STRN: variants seen among roughly 807,000 people sequenced by gnomAD.
STRN encodes the protein striatin, also known as protein phosphatase 2 regulatory subunit B'''alpha.
Under a neutral mutation model 96.3 loss-of-function variants are expected in STRN, and 53 were observed. The ratio of observed to expected loss-of-function variants is 0.55; its 90% CI spans 0.44 to 0.69. The LOEUF (loss-of-function observed/expected upper bound fraction) is 0.69, where lower values mean the gene tolerates loss of function less well. Ranked by LOEUF, STRN falls within the 30% of genes least tolerant of loss-of-function variation. The pLI is 0.00. For missense variants in STRN, 987 were observed against 963.9 expected (o/e 1.02, Z -0.32); for synonymous variants, 428 against 355.9 (o/e 1.20, Z -2.28).
At chr2:36,930,418 C>A (rs1356828336) in intron 1 of STRN, among the ~76,000 whole-genome samples, 1 of 148,920 alleles carries the variant, frequency 6.7e-6, no homozygotes, top group African/African-American at 2.5e-5. Flanking sequence ...GGCAACAGAG[C>A]GAGACTCCAT....
intron 1 of STRN, among the ~76,000 whole-genome samples, chr2:36,952,620 T>C (rs1037429519): frequency 1.6e-4 from 24 of 152,306 alleles, no homozygotes; most frequent in Middle Eastern, 3.4e-3. Flanking sequence ...TTAAAATAGA[T>C]TGTAGATATA....
intron 1 of STRN, among the ~76,000 whole-genome samples, chr2:36,945,201 T>A (rs972856650): frequency 6.6e-6 from 1 of 152,138 alleles, no homozygotes; most frequent in Non-Finnish European, 1.5e-5. Context: ...TTTATAAAGA[T>A]ACTTTTTTAA....
chr2:36,841,536 G>A lies in STRN; in HGVS notation c.*7920C>T, dbSNP rs766868285. The A allele has an allele frequency of 3.3e-5, 5 of 152,108 alleles. No homozygotes were observed. The highest frequency in any genetic ancestry group is 4.8e-5 in the African/African-American group (2 of 41,420). The allele number at this position is 152,108 out of a possible 1,614,324, so 9.4% of individuals were successfully genotyped here. A position where few individuals can be genotyped will look rare whatever the true frequency, so the allele number is the denominator to read the frequency against. ...ACGTGGGCTATCGAAAAAGATGTAA[G>A]TACATTTTAAAAATGTTTTTAAAAG... On this transcript the variant is annotated 3_prime_UTR_variant, in exon 18 of 18. Transcript: ENST00000263918.
chr2:36,957,468 G>T (rs1664917102), intron 1 of STRN, among the ~76,000 whole-genome samples: 1 of 151,968 alleles, frequency 6.6e-6, no homozygotes, highest in Non-Finnish European at 1.5e-5. Flanking sequence ...CACACCTATA[G>T]TCCCAGCCAC....
At chr2:36,877,449 T>G (rs1668943767) in intron 10 of STRN, among the ~76,000 whole-genome samples, 1 of 152,270 alleles carries the variant, frequency 6.6e-6, no homozygotes, top group Admixed American at 6.5e-5. Flanking sequence ...TACGTATCTT[T>G]CAAAGTTTGC....
At chr2:36,957,753 T>TTTG (rs1664929053) in intron 1 of STRN, among the ~76,000 whole-genome samples, 1 of 95,876 alleles carries the variant, frequency 1.0e-5, no homozygotes, top group Non-Finnish European at 2.2e-5. Context: ...TCTTTTTTTT[T>TTTG]TTTTTTTTTT....
chr2:36,927,620 G>C (rs992651938), intron 1 of STRN, among the ~76,000 whole-genome samples: 1 of 151,842 alleles, frequency 6.6e-6, no homozygotes, highest in African/African-American at 2.4e-5. Flanking sequence ...CTTGAGGCTG[G>C]AGTTTGAGAC....
intron 1 of STRN, among the ~76,000 whole-genome samples, chr2:36,944,234 C>T (rs1157915863): frequency 1.3e-5 from 2 of 152,032 alleles, no homozygotes; most frequent in Non-Finnish European, 2.9e-5. Flanking sequence ...TCTTAATATA[C>T]AAAAGCAATG....
intron 1 of STRN, among the ~76,000 whole-genome samples, chr2:36,954,666 T>C (rs1664841440): frequency 6.6e-6 from 1 of 151,880 alleles, no homozygotes; most frequent in Admixed American, 6.6e-5. Flanking sequence ...AGTTTCACTC[T>C]TGTTGCCCAA....
chr2:36,924,082 C>A (rs1051763009), intron 2 of STRN, among the ~76,000 whole-genome samples: 10 of 152,106 alleles, frequency 6.6e-5, no homozygotes, highest in African/African-American at 2.4e-4. Flanking sequence ...ATAGGCTGGG[C>A]ATGGTGGCTC....
At position 36,884,266 on chromosome 2, in the gene STRN, T is replaced by C. The variant is rs149979418; in HGVS notation, c.1043-191A>G. Among the ~76,000 whole-genome samples the C allele has an allele frequency of 2.2e-3, 333 of 152,342 alleles. 5 individuals carry two copies. Among genetic ancestry groups the C allele is most frequent in the African/African-American group, 7.6e-3 (317 of 41,578 alleles). The stretch of plus-strand genomic sequence containing the variant: ...AAAGTTTATTTCTTGAAAAGAATTA[T>C]ACTTTTTAAATTAAGCAAATGGGAT... On this transcript the variant is annotated intron_variant, in intron 8 of 17. Transcript: ENST00000263918.
At chr2:36,915,079 C>T (rs1670055421) in intron 3 of STRN, among the ~76,000 whole-genome samples, 1 of 150,600 alleles carries the variant, frequency 6.6e-6, no homozygotes, top group Non-Finnish European at 1.5e-5. Context: ...CGCCAGTAAT[C>T]CCAGCTACTC....
chr2:36,960,572 T>C (rs953814531), intron 1 of STRN, among the ~76,000 whole-genome samples: 27 of 152,222 alleles, frequency 1.8e-4, no homozygotes, highest in Non-Finnish European at 2.9e-4. Context: ...CTCTGCTAAG[T>C]ACTTTAAATT....
chr2:36,921,057 G>C (rs1356140161), intron 2 of STRN, among the ~76,000 whole-genome samples: 1 of 151,674 alleles, frequency 6.6e-6, no homozygotes, highest in Non-Finnish European at 1.5e-5. Context: ...CCTGGTGACA[G>C]AGCAAGGCTC....
intron 1 of STRN, among the ~76,000 whole-genome samples, chr2:36,942,698 AT>A (rs1670875623): frequency 1.3e-5 from 2 of 151,676 alleles, no homozygotes; most frequent in South Asian, 4.2e-4. Context: ...GTTAGCATCA[AT>A]TTTTCTTTTT....
intron 2 of STRN, among the ~76,000 whole-genome samples, chr2:36,924,580 T>G (rs1287856290): frequency 6.6e-6 from 1 of 152,106 alleles, no homozygotes; most frequent in Non-Finnish European, 1.5e-5. Context: ...AGGAAAAAAA[T>G]GTTGCTAATT....
At chr2:36,905,355 T>TACAC (rs1669793821) in intron 4 of STRN, among the ~76,000 whole-genome samples, 185 bp downstream of exon 4, 1 of 152,236 alleles carries the variant, frequency 6.6e-6, no homozygotes, top group African/African-American at 2.4e-5. Context: ...TTCTTTTAAC[T>TACAC]ACGTAAGTTC....
chr2:36,922,282 G>T (rs888377473), intron 2 of STRN, among the ~76,000 whole-genome samples: 5 of 152,002 alleles, frequency 3.3e-5, no homozygotes, highest in Admixed American at 1.3e-4. Flanking sequence ...ACTTTAAGAG[G>T]CTACAGCAGG....
At chr2:36,924,671 A>C (rs1670362987) in intron 2 of STRN, among the ~76,000 whole-genome samples, 2 of 152,236 alleles carry the variant, frequency 1.3e-5, no homozygotes, top group African/African-American at 4.8e-5. Flanking sequence ...CCATTCATAC[A>C]AATGTTTACT....
Sources: allele counts gnomAD v4.1 joint callset (sites outside exome capture counted in the v4.1 genomes callset), GRCh38; gene constraint gnomAD v4.1.1; transcripts MANE v1.5; gene names NCBI Gene and HGNC (gene_info 2026-07-23, HGNC 2026-07-21).